CCDC85C: variants seen among roughly 807,000 people sequenced by gnomAD.
CCDC85C encodes coiled-coil domain-containing protein 85C.
CCDC85C carries 18 observed loss-of-function variants against 38.3 expected under a neutral mutation model. The ratio of observed to expected loss-of-function variants is 0.47; its 90% confidence interval spans 0.33 to 0.70. The LOEUF (loss-of-function observed/expected upper bound fraction) is 0.70. Ranked by LOEUF, CCDC85C falls within the 30% of genes least tolerant of loss-of-function variation. The probability of loss-of-function intolerance (pLI) is 0.03; values close to 1 mark genes in which losing one functional copy is unlikely to be tolerated. For synonymous variants in CCDC85C, 264 were observed against 293.8 expected (o/e 0.90, Z 1.04); for missense variants, 566 against 621.2 (o/e 0.91, Z 0.94).
chr14:99,510,613 C>T lies in CCDC85C; in HGVS notation c.*4633G>A. 3 of 1,333,332 alleles carry T rather than the reference C, an allele frequency of 2.3e-6. No homozygotes were observed. The highest frequency in any genetic ancestry group is 2.9e-6 in the Non-Finnish European group (3 of 1,024,822). 82.6% of individuals were successfully genotyped at this position (1,333,332 alleles called of 1,614,324 possible). On this transcript the variant is annotated 3_prime_UTR_variant, in exon 6 of 6. Coordinates refer to ENST00000380243, the MANE Select transcript of CCDC85C (RefSeq NM_001144995.2). ...TTCCCACCCCCACCCCCACGCCTCC[C>T]GCCTACCCACGCAGTCCCCCCTCAT... is the stretch of plus-strand genomic sequence containing the variant.
In CCDC85C at chr14:99,510,239, G is replaced by T; in HGVS notation, c.*5007C>A. ...ATGCCACTGACCTCCCCAAAGTCCA[G>T]ATTCCCCCTCCGGCCCACCCGGCCC... On this transcript the variant is annotated 3_prime_UTR_variant, in exon 6 of 6. Coordinates refer to ENST00000380243, the MANE Select transcript of CCDC85C (RefSeq NM_001144995.2). The T allele has an allele frequency of 6.3e-7, 1 of 1,593,212 alleles. No homozygotes were observed. The highest frequency in any genetic ancestry group is 8.5e-7 in the Non-Finnish European group (1 of 1,173,398).
At chr14:99,567,590 C>T (rs982391150) in intron 1 of CCDC85C, among the ~76,000 whole-genome samples, 35 of 152,226 alleles carry the variant, frequency 2.3e-4, no homozygotes, top group African/African-American at 7.7e-4. Context: ...TTTGGGAGGC[C>T]GAAGTGGGCA....
chr14:99,535,341 G>T lies in CCDC85C; in HGVS notation c.867+674C>A, dbSNP rs1897574428. ...AGCGAGCGGCTTGAGAGGTCGCCAA[G>T]CCAGCTGGCCCCCAACACCCAAGCG... is the stretch of plus-strand genomic sequence containing the variant. On this transcript the variant is annotated intron_variant, in intron 2 of 5. Transcript: ENST00000380243. The surrounding 1 kb of genome is among the most constrained non-coding windows in gnomAD (Gnocchi z 5.5). Among the ~76,000 whole-genome samples, 1 of 152,172 alleles carries T rather than the reference G, an allele frequency of 6.6e-6. No individual in the cohort carries two copies. The highest frequency in any genetic ancestry group is 2.4e-5 in the African/African-American group (1 of 41,418).
intron 1 of CCDC85C, among the ~76,000 whole-genome samples, chr14:99,578,859 C>T (rs1434969087): frequency 2.0e-5 from 3 of 152,166 alleles, no homozygotes; most frequent in Non-Finnish European, 4.4e-5. Context: ...TGCTGGAAGG[C>T]GTGACCGTGC....
chr14:99,547,178 T>C (rs1897823305), intron 1 of CCDC85C, among the ~76,000 whole-genome samples: 2 of 151,910 alleles, frequency 1.3e-5, no homozygotes, highest in Admixed American at 6.6e-5. Flanking sequence ...CTGGGCAACA[T>C]AGCAAACTCC....
chr14:99,568,238 C>CA (rs889833722), intron 1 of CCDC85C, among the ~76,000 whole-genome samples: 1 of 141,914 alleles, frequency 7.0e-6, no homozygotes, highest in Non-Finnish European at 1.5e-5. Flanking sequence ...CTCTGGAGGC[C>CA]ACCTGCCCTT....
chr14:99,584,798 A>G (rs2055009929), intron 1 of CCDC85C, among the ~76,000 whole-genome samples: 2 of 152,336 alleles, frequency 1.3e-5, no homozygotes, highest in African/African-American at 4.8e-5. Flanking sequence ...ACTCCAAATA[A>G]GAACTGCCTT....
rs535493497 is a variant in CCDC85C, at chr14:99,533,137, G to C, written c.867+2878C>G. ...GCTCTGGGGATGCCACCAGCTCCTGGAGCCTTTGTTATGAGGTTCAGGGGC... is the reference window on the plus strand; with the variant it reads ...GCTCTGGGGATGCCACCAGCTCCTGCAGCCTTTGTTATGAGGTTCAGGGGC... On this transcript the variant is annotated intron_variant, in intron 2 of 5. Transcript: ENST00000380243. The surrounding 1 kb of genome is among the most constrained non-coding windows in gnomAD (Gnocchi z 4.2). Among the ~76,000 whole-genome samples, 1 of 152,270 alleles carries C rather than the reference G, an allele frequency of 6.6e-6. No individual in the cohort carries two copies. Among genetic ancestry groups the C allele is most frequent in the East Asian group, 1.9e-4 (1 of 5,176 alleles).
chr14:99,568,530 C>CA (rs1898269058), intron 1 of CCDC85C, among the ~76,000 whole-genome samples: 1 of 152,114 alleles, frequency 6.6e-6, no homozygotes, highest in South Asian at 2.1e-4. Flanking sequence ...ACAGCACCCC[C>CA]ACTACCACAG....
At position 99,536,242 on chromosome 14, in the gene CCDC85C, C is replaced by A. The variant is rs560351561; in HGVS notation, c.794-154G>T. 1.8e-3 allele frequency among the ~76,000 whole-genome samples: 275 copies of A among 152,316 alleles called. 1 individual carries two copies. The highest frequency in any genetic ancestry group is 6.4e-3 in the African/African-American group (265 of 41,582). On this transcript the variant is annotated intron_variant, in intron 1 of 5. Coordinates refer to ENST00000380243, the MANE Select transcript of CCDC85C (RefSeq NM_001144995.2). ...ACGCCCCAGCCCCTCCGAGCCCTCG[C>A]CCGCCCTGTGGAAACAGCACGGCCT...
chr14:99,589,571 C>A (rs759538540), intron 1 of CCDC85C, among the ~76,000 whole-genome samples: 5 of 152,208 alleles, frequency 3.3e-5, no homozygotes, highest in African/African-American at 1.2e-4. Flanking sequence ...ACTTTGGGCT[C>A]TGATTAGAGC....
intron 1 of CCDC85C, among the ~76,000 whole-genome samples, chr14:99,543,025 T>C (rs1243435454): frequency 6.6e-6 from 1 of 152,136 alleles, no homozygotes; most frequent in Non-Finnish European, 1.5e-5. Context: ...GGACAGAAAT[T>C]CTTGGAGAGC....
At chr14:99,530,655 C>T (rs2139911407) in intron 2 of CCDC85C, among the ~76,000 whole-genome samples, 1 of 152,364 alleles carries the variant, frequency 6.6e-6, no homozygotes, top group East Asian at 1.9e-4. Context: ...CAAGGGACAG[C>T]AGAGGGCACA....
intron 3 of CCDC85C, among the ~76,000 whole-genome samples, chr14:99,519,463 T>C (rs1897274535): frequency 6.6e-6 from 1 of 152,066 alleles, no homozygotes; most frequent in Non-Finnish European, 1.5e-5. Flanking sequence ...AGAGAATGGC[T>C]TGCCCAAGAC....
intron 1 of CCDC85C, among the ~76,000 whole-genome samples, chr14:99,577,669 T>G (rs1329191820): frequency 6.7e-6 from 1 of 150,374 alleles, no homozygotes; most frequent in Non-Finnish European, 1.5e-5. Context: ...CCGTCCTGCA[T>G]CCCCCATCAG....
At chr14:99,525,260 G>A (rs6575727) in intron 2 of CCDC85C, among the ~76,000 whole-genome samples, 133,476 of 152,254 alleles carry the variant, frequency 0.88, 60,524 homozygotes, top group East Asian at 1. Context: ...TCTGCAGTGC[G>A]GCCCAGCCTT....
intron 1 of CCDC85C, among the ~76,000 whole-genome samples, chr14:99,578,794 C>G (rs1454155996): frequency 6.6e-6 from 1 of 152,222 alleles, no homozygotes; most frequent in Non-Finnish European, 1.5e-5. Flanking sequence ...CAGCCCCCTT[C>G]CAAGACCGGA....
intron 2 of CCDC85C, chr14:99,534,616 A>T (rs745992743): frequency 1.4e-6 from 1 of 702,276 alleles, no homozygotes; most frequent in Non-Finnish European, 2.6e-6. Context: ...TCTCCAAAGC[A>T]AAGGTCCCTA....
rs768163890 is a variant in CCDC85C at position 99,558,607 on chromosome 14, G to A, written c.794-22519C>T. 7.9e-5 allele frequency among the ~76,000 whole-genome samples: 12 copies of A among 152,198 alleles called. No individual in the cohort carries two copies. The highest frequency in any genetic ancestry group is 1.3e-4 in the Non-Finnish European group (9 of 68,044). ...CTGCACTCCAGCCTGGAGATAGAGCGAGACTCTGTCTCAAAAAAATTAAAT... is the reference window on the plus strand; with the variant it reads ...CTGCACTCCAGCCTGGAGATAGAGCAAGACTCTGTCTCAAAAAAATTAAAT... On this transcript the variant is annotated intron_variant, in intron 1 of 5. Transcript: ENST00000380243. The surrounding 1 kb of genome is among the most constrained non-coding windows in gnomAD (Gnocchi z 4.2).
Sources: gnomAD v4.1 joint callset for allele counts (sites outside exome capture counted in the v4.1 genomes callset) on GRCh38, gnomAD v4.1.1 for gene constraint, Gnocchi (gnomAD v3.1) non-coding constraint, MANE v1.5 for transcripts, NCBI Gene and HGNC (gene_info 2026-07-23, HGNC 2026-07-21) for gene names.